Variants in MYOZ3 observed in about 807,000 individuals in gnomAD.
MYOZ3 encodes the protein myozenin 3.
Under a neutral mutation model 26.5 loss-of-function variants are expected in MYOZ3, and 19 were observed. The ratio of observed to expected loss-of-function variants is 0.72; its 90% confidence interval spans 0.50 to 1.05. The LOEUF is 1.05. MYOZ3 is among the 50% of genes least tolerant of loss of function. The pLI, the probability that MYOZ3 is intolerant of heterozygous loss-of-function variation, is 0.00. For missense variants in MYOZ3, 322 were observed against 337.1 expected (o/e 0.96, Z 0.35); for synonymous variants, 135 against 138.8 (o/e 0.97, Z 0.19).
Position 150,670,545 on chromosome 5 carries a change from G to A in MYOZ3, c.123G>A (p.Leu41=). Residue 41 remains leucine, a synonymous_variant, in exon 3 of 7, where the codon CTG becomes CTA. Transcript: ENST00000517768. ...SVPQDLMMEE[L]SLRNNRGSLL... ...CCCAGGACCTGATGATGGAGGAGCT[G>A]TCACTACGCAACAACAGAGGGTCCC... The A allele has an allele frequency of 1.2e-6, 2 of 1,613,312 alleles. No homozygotes were observed. The highest frequency in any genetic ancestry group is 1.7e-6 in the Non-Finnish European group (2 of 1,179,666).
At chr5:150,672,313 G>A in intron 5 of MYOZ3, 27 bp from the exon 6 acceptor site, 3 of 1,571,128 alleles carry the variant, frequency 1.9e-6, no homozygotes, top group Non-Finnish European at 1.7e-6. Flanking sequence ...GAAGAACGGA[G>A]GCGCTCCCTT....
chr5:150,669,556 T>C (rs1436817802), intron 2 of MYOZ3, among the ~76,000 whole-genome samples: 8 of 150,642 alleles, frequency 5.3e-5, no homozygotes, highest in African/African-American at 4.9e-5. Context: ...TGGCAGTCTC[T>C]GGGTGATAGA....
intron 6 of MYOZ3, among the ~76,000 whole-genome samples, chr5:150,673,720 A>G (rs6881611): frequency 0.14 from 20,860 of 152,152 alleles, 4,557 homozygotes; most frequent in African/African-American, 0.46. Context: ...TTCTGCACTG[A>G]GGGCCTGAAA....
intron 2 of MYOZ3, among the ~76,000 whole-genome samples, chr5:150,665,728 A>AT (rs916184762): frequency 9.9e-4 from 142 of 143,990 alleles, no homozygotes; most frequent in Non-Finnish European, 1.2e-3. Flanking sequence ...TGTGCCTGCC[A>AT]TTTTTTTTTT....
rs1276878810 is a variant in MYOZ3, at chr5:150,677,532, C to G, written c.*657C>G. On this transcript the variant is annotated 3_prime_UTR_variant, in exon 7 of 7. Transcript: ENST00000517768. ...GTCCACATCCACACCTCTGCTCTTTCCTGTTCCTGTAGTGTACACTCCCCC... is the reference window on the plus strand; with the variant it reads ...GTCCACATCCACACCTCTGCTCTTTGCTGTTCCTGTAGTGTACACTCCCCC... 6.6e-6 allele frequency: 1 copy of G among 152,426 alleles called. No individual in the cohort carries two copies. Among genetic ancestry groups the G allele is most frequent in the Non-Finnish European group, 1.5e-5 (1 of 68,104 alleles). 9.4% of individuals were successfully genotyped at this position (152,426 alleles called of 1,614,324 possible).
intron 2 of MYOZ3, among the ~76,000 whole-genome samples, chr5:150,663,450 G>A (rs1758765202): frequency 6.6e-6 from 1 of 152,186 alleles, no homozygotes; most frequent in Admixed American, 6.5e-5. Context: ...GAGGGGAGTG[G>A]AGAGAGTGGA....
intron 6 of MYOZ3, among the ~76,000 whole-genome samples, chr5:150,676,433 AC>A (rs1017893215): frequency 3.3e-5 from 5 of 151,280 alleles, no homozygotes; most frequent in African/African-American, 1.2e-4. Flanking sequence ...AATCCCAGCT[AC>A]TCAGGAGGCT....
At position 150,672,336 on chromosome 5, in the gene MYOZ3, C is replaced by A; in HGVS notation, c.425-4C>A. On this transcript the variant is annotated splice_polypyrimidine_tract_variant and splice_region_variant and intron_variant, in intron 5 of 6. Transcript: ENST00000517768. ...GAGGCGCTCCCTTCCCCCCGCGCCC[C>A]TAGGCTATGCGGAGCCGCTGAAGGG... 6.2e-7 allele frequency: 1 copy of A among 1,600,044 alleles called. No individual in the cohort carries two copies. The highest frequency in any genetic ancestry group is 8.5e-7 in the Non-Finnish European group (1 of 1,174,094).
chr5:150,664,293 C>G (rs1341250669), intron 2 of MYOZ3, among the ~76,000 whole-genome samples: 2 of 152,114 alleles, frequency 1.3e-5, no homozygotes, highest in East Asian at 3.9e-4. Context: ...CTGAAATATG[C>G]ACATTCTATG....
At chr5:150,672,286 G>T in intron 5 of MYOZ3, 54 bp from the exon 6 acceptor site, 1 of 1,551,038 alleles carries the variant, frequency 6.4e-7, no homozygotes, top group Non-Finnish European at 8.7e-7. Context: ...GCGAGGTGGG[G>T]TTGGGGGCTG....
In MYOZ3 at chr5:150,676,898, C is replaced by T. The variant is rs1320405738; in HGVS notation, c.*23C>T. ...TAGCCCTAGCCTGAATCTTCAGTTC[C>T]CCAGTCTCGGGGGCCTGGTAACATC... On this transcript the variant is annotated 3_prime_UTR_variant, in exon 7 of 7. Coordinates refer to ENST00000517768, the MANE Select transcript of MYOZ3 (RefSeq NM_001122853.3). The T allele has an allele frequency of 3.1e-6, 5 of 1,590,490 alleles. No homozygotes were observed. The highest frequency in any genetic ancestry group is 4.3e-6 in the Non-Finnish European group (5 of 1,169,482).
intron 2 of MYOZ3, among the ~76,000 whole-genome samples, chr5:150,666,583 T>C (rs10039550): frequency 0.25 from 34,364 of 140,164 alleles, 9,473 homozygotes; most frequent in African/African-American, 0.69. Context: ...CACTGCACTC[T>C]AGCCTGGGCA....
chr5:150,677,592 G>A lies in MYOZ3; in HGVS notation c.*717G>A, dbSNP rs1315824965. ...GTGCTCACTGGCACCCCATCTTCCT[G>A]TGAATAACTCAAATAATTAGAAAAT... is the stretch of plus-strand genomic sequence containing the variant. On this transcript the variant is annotated 3_prime_UTR_variant, in exon 7 of 7. Coordinates refer to ENST00000517768, the MANE Select transcript of MYOZ3 (RefSeq NM_001122853.3). 6.6e-6 allele frequency: 1 copy of A among 152,338 alleles called. No homozygotes were observed. Among genetic ancestry groups the A allele is most frequent in the African/African-American group, 2.4e-5 (1 of 41,426 alleles). 9.4% of individuals were successfully genotyped at this position (152,338 alleles called of 1,614,324 possible). A position where few individuals can be genotyped will look rare whatever the true frequency, so the allele number is the denominator to read the frequency against.
intron 3 of MYOZ3, 96 bp downstream of exon 3, chr5:150,670,734 GATGTTCCC>G: frequency 8.0e-7 from 1 of 1,244,798 alleles, no homozygotes; most frequent in Non-Finnish European, 1.1e-6. Flanking sequence ...TGAGGACTGT[GATGTTCCC>G]ATCAGATTAG....
intron 6 of MYOZ3, among the ~76,000 whole-genome samples, chr5:150,673,679 A>G (rs1758960825): frequency 6.6e-6 from 1 of 152,188 alleles, no homozygotes; most frequent in Admixed American, 6.5e-5. Flanking sequence ...AAGTTTGGAC[A>G]GGGGAGAGCT....
rs1758884894 is a variant in MYOZ3 at position 150,670,467 on chromosome 5, C to T, written c.62-17C>T. ...GGGGATGGGGTGGTGAGAGCCCGCT[C>T]TGGCCTTTCCTGGCAGTCCCTACGC... On this transcript the variant is annotated splice_polypyrimidine_tract_variant and intron_variant, in intron 2 of 6. Coordinates refer to ENST00000517768, the MANE Select transcript of MYOZ3 (RefSeq NM_001122853.3). 1 of 1,598,446 alleles carries T rather than the reference C, an allele frequency of 6.3e-7. No individual in the cohort carries two copies. Among genetic ancestry groups the T allele is most frequent in the Non-Finnish European group, 8.5e-7 (1 of 1,171,136 alleles).
At chr5:150,672,603 A>T in intron 6 of MYOZ3, 101 bp downstream of exon 6, 1 of 1,370,520 alleles carries the variant, frequency 7.3e-7, no homozygotes, top group Non-Finnish European at 9.8e-7. Context: ...TCTGCAGGCC[A>T]GGCTCTGTCC....
chr5:150,670,864 G>T, intron 3 of MYOZ3: 2 of 189,376 alleles, frequency 1.1e-5, no homozygotes, highest in Non-Finnish European at 1.9e-5. Flanking sequence ...AAGCCGTGGA[G>T]TGAAGGGACT....
intron 6 of MYOZ3, among the ~76,000 whole-genome samples, chr5:150,673,507 AT>A (rs1758957718): frequency 6.6e-6 from 1 of 151,736 alleles, no homozygotes; most frequent in Non-Finnish European, 1.5e-5. Context: ...TGCCCGGCTA[AT>A]TTTTTGTATT....
Sources: allele counts gnomAD v4.1 joint callset (sites outside exome capture counted in the v4.1 genomes callset), GRCh38; gene constraint gnomAD v4.1.1; transcripts MANE v1.5; gene names NCBI Gene and HGNC (gene_info 2026-07-23, HGNC 2026-07-21).